Variants in SYNDIG1 observed in about 807,000 individuals in gnomAD.
The protein encoded by SYNDIG1 is synapse differentiation inducing 1, also known as synapse differentiation-inducing gene protein 1.
Under a neutral mutation model 19.4 loss-of-function variants are expected in SYNDIG1, and 9 were observed. The observed-to-expected ratio is 0.46, with a 90% CI of 0.28 to 0.81. The LOEUF (loss-of-function observed/expected upper bound fraction) is 0.81. Among genes scored for constraint, SYNDIG1 ranks in the 30% least tolerant of loss-of-function variants. The pLI is 0.12. For missense variants in SYNDIG1, 311 were observed against 343.3 expected (o/e 0.91, Z 0.74); for synonymous variants, 141 against 145.9 (o/e 0.97, Z 0.24).
At chr20:24,590,100 C>G (rs1019443933) in intron 3 of SYNDIG1, among the ~76,000 whole-genome samples, 4 of 152,296 alleles carry the variant, frequency 2.6e-5, no homozygotes, top group African/African-American at 9.6e-5. Flanking sequence ...ACATGGGGAG[C>G]GTGGAACTGG....
chr20:24,561,619 A>C (rs780784719), intron 2 of SYNDIG1, among the ~76,000 whole-genome samples: 1 of 152,366 alleles, frequency 6.6e-6, no homozygotes, highest in Non-Finnish European at 1.5e-5. Flanking sequence ...TTTCATAAAT[A>C]ACACATTTTG....
At chr20:24,539,003 C>A (rs1402154491) in intron 1 of SYNDIG1, among the ~76,000 whole-genome samples, 1 of 152,016 alleles carries the variant, frequency 6.6e-6, no homozygotes, top group South Asian at 2.1e-4. Context: ...GGTATTAATT[C>A]CTTATTAGAT....
chr20:24,591,368 T>C (rs2058509654), intron 3 of SYNDIG1, among the ~76,000 whole-genome samples: 1 of 152,034 alleles, frequency 6.6e-6, no homozygotes, highest in African/African-American at 2.4e-5. Context: ...CACCCAGGCC[T>C]GAGTGACAGA....
At chr20:24,524,992 C>G (rs925514229) in intron 1 of SYNDIG1, among the ~76,000 whole-genome samples, 2 of 152,092 alleles carry the variant, frequency 1.3e-5, no homozygotes. Flanking sequence ...TTAGATGGGG[C>G]TCATTAATTT....
At chr20:24,654,797 C>A (rs1174084959) in intron 3 of SYNDIG1, among the ~76,000 whole-genome samples, 2 of 152,112 alleles carry the variant, frequency 1.3e-5, no homozygotes, top group African/African-American at 4.8e-5. Context: ...AGAGAAGGAG[C>A]AGCTGCAGCA....
chr20:24,607,746 A>G (rs2058780028), intron 3 of SYNDIG1, among the ~76,000 whole-genome samples: 1 of 152,186 alleles, frequency 6.6e-6, no homozygotes, highest in Admixed American at 6.5e-5. Flanking sequence ...ACCTTCTATC[A>G]ATTACTTTCT....
At chr20:24,546,309 G>A (rs2057575767) in intron 2 of SYNDIG1, among the ~76,000 whole-genome samples, 1 of 152,216 alleles carries the variant, frequency 6.6e-6, no homozygotes, top group Non-Finnish European at 1.5e-5. Context: ...AAAGGGTCAT[G>A]TATTGGTTAG....
intron 1 of SYNDIG1, among the ~76,000 whole-genome samples, chr20:24,520,092 G>A (rs1254482913): frequency 6.6e-6 from 1 of 152,058 alleles, no homozygotes; most frequent in Non-Finnish European, 1.5e-5. Context: ...CTCGCAGTCA[G>A]TGGCTTCTGA....
intron 3 of SYNDIG1, among the ~76,000 whole-genome samples, chr20:24,636,366 A>T (rs1471985018): frequency 6.6e-6 from 1 of 152,196 alleles, no homozygotes; most frequent in Non-Finnish European, 1.5e-5. Flanking sequence ...AAGAAAGAGA[A>T]AAGAGAACAG....
At chr20:24,582,487 C>T (rs1317281833) in intron 2 of SYNDIG1, among the ~76,000 whole-genome samples, 5 of 144,892 alleles carry the variant, frequency 3.5e-5, no homozygotes, top group Admixed American at 6.8e-5. Context: ...TGCATGTCCT[C>T]ACCCCTGCAC....
chr20:24,656,402 C>T (rs1321458510), intron 3 of SYNDIG1, among the ~76,000 whole-genome samples: 2 of 152,208 alleles, frequency 1.3e-5, no homozygotes, highest in Non-Finnish European at 2.9e-5. Context: ...ATTTTAGGAT[C>T]CTTCCTGTTC....
intron 1 of SYNDIG1, among the ~76,000 whole-genome samples, chr20:24,507,926 G>T (rs558901611): frequency 6.6e-6 from 1 of 152,106 alleles, no homozygotes; most frequent in Non-Finnish European, 1.5e-5. Flanking sequence ...AGGAACCTGC[G>T]CAGGGAAGCT....
intron 3 of SYNDIG1, among the ~76,000 whole-genome samples, chr20:24,661,491 G>A (rs1342862801): frequency 3.1e-5 from 1 of 32,310 alleles, no homozygotes. Flanking sequence ...GGAGGAAGAA[G>A]GGAGGGAGGG....
rs541395184 is a variant in SYNDIG1 at position 24,470,245 on chromosome 20, G to C, written c.-79+492G>C. ...ACCAGCCAGGGCTGGTGAGCCGGGCGGCCACGGAGCTGGGGACCTAGGTCT... is the reference window on the plus strand; with the variant it reads ...ACCAGCCAGGGCTGGTGAGCCGGGCCGCCACGGAGCTGGGGACCTAGGTCT... On this transcript the variant is annotated intron_variant, in intron 1 of 3. Coordinates refer to ENST00000376862, the MANE Select transcript of SYNDIG1 (RefSeq NM_024893.3). 4.1e-4 allele frequency among the ~76,000 whole-genome samples: 63 copies of C among 152,350 alleles called. 1 individual carries two copies. Among genetic ancestry groups the C allele is most frequent in the Admixed American group, 3.4e-3 (52 of 15,312 alleles).
intron 2 of SYNDIG1, among the ~76,000 whole-genome samples, chr20:24,548,519 A>T (rs1024002060): frequency 6.6e-6 from 1 of 152,236 alleles, no homozygotes; most frequent in Non-Finnish European, 1.5e-5. Flanking sequence ...CTCAACACAC[A>T]TGTGAAGAAA....
At chr20:24,579,778 C>T (rs765704076) in intron 2 of SYNDIG1, among the ~76,000 whole-genome samples, 18 of 152,208 alleles carry the variant, frequency 1.2e-4, no homozygotes, top group Non-Finnish European at 2.5e-4. Flanking sequence ...TCACCAGAGT[C>T]GGTGAGCACA....
chr20:24,631,476 C>T (rs1440710233), intron 3 of SYNDIG1, among the ~76,000 whole-genome samples: 2 of 152,218 alleles, frequency 1.3e-5, no homozygotes, highest in African/African-American at 4.8e-5. Context: ...ACATCAGGAA[C>T]TGTCAGCCTC....
intron 1 of SYNDIG1, among the ~76,000 whole-genome samples, chr20:24,490,004 A>G (rs1298345598): frequency 6.6e-6 from 1 of 152,220 alleles, no homozygotes; most frequent in African/African-American, 2.4e-5. Flanking sequence ...TGAATCCACC[A>G]CATCTGCTCC....
chr20:24,613,020 G>A (rs532937067), intron 3 of SYNDIG1, among the ~76,000 whole-genome samples: 36 of 152,372 alleles, frequency 2.4e-4, no homozygotes, highest in African/African-American at 6.7e-4. Flanking sequence ...AGGAGACTGC[G>A]TCTCTGGGAG....
Sources: gnomAD v4.1 joint callset for allele counts (sites outside exome capture counted in the v4.1 genomes callset) on GRCh38, gnomAD v4.1.1 for gene constraint, MANE v1.5 for transcripts, NCBI Gene and HGNC (gene_info 2026-07-23, HGNC 2026-07-21) for gene names.